NPPC: variants seen among roughly 807,000 people sequenced by gnomAD.
The protein encoded by NPPC is natriuretic peptide C.
Under a neutral mutation model 10.2 loss-of-function variants are expected in NPPC, and 4 were observed. The observed-to-expected ratio is 0.39, with a 90% CI of 0.19 to 0.90. The LOEUF (loss-of-function observed/expected upper bound fraction) is 0.90. Among genes scored for constraint, NPPC ranks in the 40% least tolerant of loss-of-function variants. The pLI is 0.37. For synonymous variants in NPPC, 83 were observed against 87.3 expected, an observed-to-expected ratio of 0.95 and a Z score of 0.27; for missense variants, 182 against 173.8, an observed-to-expected ratio of 1.05 and a Z score of -0.26.
intron 2 of NPPC, 21 bp from the exon 3 acceptor site, chr2:231,922,336 G>A (rs866205592): frequency 3.3e-4 from 50 of 152,176 alleles, no homozygotes; most frequent in African/African-American, 1.1e-3. Context: ...GAGTGAACAC[G>A]GGACGCTCAG....
intron 2 of NPPC, 21 bp from the exon 3 acceptor site, chr2:231,922,336 G>C (rs866205592): frequency 6.6e-6 from 1 of 152,294 alleles, no homozygotes; most frequent in South Asian, 2.1e-4. Flanking sequence ...GAGTGAACAC[G>C]GGACGCTCAG....
At chr2:231,923,345 G>A (rs1014166641) in intron 2 of NPPC, among the ~76,000 whole-genome samples, 7 of 152,194 alleles carry the variant, frequency 4.6e-5, no homozygotes, top group African/African-American at 7.2e-5. Context: ...CCATCATTAC[G>A]GTGGCTTAGA....
chr2:231,925,829 C>G lies in NPPC; in HGVS notation c.91-114G>C, dbSNP rs568952653. 3 of 1,253,436 alleles carry G rather than the reference C, an allele frequency of 2.4e-6. No homozygotes were observed. The African/African-American group carries it at 4.8e-5, about 20-fold the overall frequency. 77.6% of individuals were successfully genotyped at this position (1,253,436 alleles called of 1,614,324 possible). ...GGGGTGTCCCTCCCAAGCCCAGAGC[C>G]GCCCCCACCGATGCCGGCCAGCTTG... is the stretch of plus-strand genomic sequence containing the variant. On this transcript the variant is annotated intron_variant, in intron 1 of 2. Transcript: ENST00000409852.
Position 231,926,379 on chromosome 2 carries a change from G to A in NPPC, c.-130C>T, listed in dbSNP as rs956291692. Reference sequence around the variant, plus strand: ...GAGCAGGGTCCCAGTGCTGCGCGGCGCCGGCTGGGTGCGCTCTGAGCCCGT... The same window carrying A: ...GAGCAGGGTCCCAGTGCTGCGCGGCACCGGCTGGGTGCGCTCTGAGCCCGT... On this transcript the variant is annotated 5_prime_UTR_variant, in exon 1 of 3. Transcript: ENST00000409852. 1.4e-5 allele frequency: 7 copies of A among 499,324 alleles called. No individual in the cohort carries two copies. The highest frequency in any genetic ancestry group is 8.0e-5 in the African/African-American group (4 of 50,274). 30.9% of individuals were successfully genotyped at this position (499,324 alleles called of 1,614,324 possible). A position where few individuals can be genotyped will look rare whatever the true frequency, so the allele number is the denominator to read the frequency against.
intron 2 of NPPC, 78 bp downstream of exon 2, chr2:231,925,327 G>C: frequency 1.6e-6 from 2 of 1,253,724 alleles, no homozygotes; most frequent in Non-Finnish European, 2.1e-6. Context: ...AAGGCGGCTC[G>C]CGCGCCTCCG....
At position 231,926,340 on chromosome 2, in the gene NPPC, C is replaced by G; in HGVS notation, c.-91G>C. On this transcript the variant is annotated 5_prime_UTR_variant, in exon 1 of 3. Coordinates refer to ENST00000409852, the MANE Select transcript of NPPC (RefSeq NM_024409.4). The stretch of plus-strand genomic sequence containing the variant: ...AGCAGGGGGATGCGGAGCAGGCTGG[C>G]TGGGCTGCAGGGCGAGCAGGGTCCC... The G allele has an allele frequency of 2.3e-6, 2 of 878,740 alleles. No homozygotes were observed. The highest frequency in any genetic ancestry group is 3.0e-6 in the Non-Finnish European group (2 of 662,032). The allele number at this position is 878,740 out of a possible 1,614,324, so 54.4% of individuals were successfully genotyped here.
chr2:231,924,199 G>A (rs1406080744), intron 2 of NPPC, among the ~76,000 whole-genome samples: 3 of 152,242 alleles, frequency 2.0e-5, no homozygotes, highest in Admixed American at 6.5e-5. Flanking sequence ...ATATTTCCAC[G>A]AGTCTGTTCG....
intron 2 of NPPC, among the ~76,000 whole-genome samples, chr2:231,922,832 C>T (rs759265111): frequency 2.0e-5 from 3 of 152,126 alleles, no homozygotes; most frequent in Non-Finnish European, 4.4e-5. Flanking sequence ...TGGATAATAG[C>T]CACCTCCTAG....
rs1691990547 is a variant in NPPC at position 231,925,493 on chromosome 2, C to T, written c.313G>A (p.Gly105Ser). 26 of 1,612,976 alleles carry T rather than the reference C, an allele frequency of 1.6e-5. No homozygotes were observed. Among genetic ancestry groups the T allele is most frequent in the Non-Finnish European group, 1.9e-5 (22 of 1,179,720 alleles). ...ARKYKGANKK[G>S]LSKGCFGLKL... ...AGGCCGAAGCAGCCCTTGGACAAGC[C>T]CTTCTTGTTGGCTCCTTTGTATTTG... The change falls in exon 2 of 3, where the codon GGC (glycine) becomes AGC (serine). Residue 105 changes from glycine (G) to serine (S), a missense_variant. Gly to Ser is a moderately conservative substitution (Grantham distance 56, BLOSUM62 0). Transcript: ENST00000409852.
chr2:231,924,558 G>A (rs1196755127), intron 2 of NPPC, among the ~76,000 whole-genome samples: 1 of 152,200 alleles, frequency 6.6e-6, no homozygotes, highest in Non-Finnish European at 1.5e-5. Context: ...AGTGGGCACG[G>A]GCAGGCGGCA....
intron 1 of NPPC, 104 bp from the exon 2 acceptor site, chr2:231,925,819 A>G (rs1389365882): frequency 3.1e-6 from 4 of 1,304,800 alleles, no homozygotes; most frequent in Admixed American, 3.2e-5. Context: ...GTCCCTCCCA[A>G]GCCCAGAGCC....
In NPPC at chr2:231,921,855, T is replaced by A. The variant is rs1691933677; in HGVS notation, c.*481A>T. On this transcript the variant is annotated 3_prime_UTR_variant, in exon 3 of 3. Coordinates refer to ENST00000409852, the MANE Select transcript of NPPC (RefSeq NM_024409.4). ...GACTTTTTTTTTTTTACATTTTTTTTAACTAGTTAGGACAAAAACATTACA... is the reference window on the plus strand; with the variant it reads ...GACTTTTTTTTTTTTACATTTTTTTAAACTAGTTAGGACAAAAACATTACA... 6.6e-6 allele frequency: 1 copy of A among 152,054 alleles called. No individual in the cohort carries two copies. 9.4% of individuals were successfully genotyped at this position (152,054 alleles called of 1,614,324 possible). A position where few individuals can be genotyped will look rare whatever the true frequency, so the allele number is the denominator to read the frequency against.
rs1276909583 is a variant in NPPC, at chr2:231,926,283, G to A, written c.-34C>T. 4 of 1,256,934 alleles carry A rather than the reference G, an allele frequency of 3.2e-6. No homozygotes were observed. Among genetic ancestry groups the A allele is most frequent in the Middle Eastern group, 2.8e-4 (1 of 3,522 alleles). The allele number at this position is 1,256,934 out of a possible 1,614,324, so 77.9% of individuals were successfully genotyped here. A position where few individuals can be genotyped will look rare whatever the true frequency, so the allele number is the denominator to read the frequency against. ...TGGGGTCGAGGGGCGCACACGGGCG[G>A]CAGCGAGGGCGCGCAGGTCGGCGGG... On this transcript the variant is annotated 5_prime_UTR_variant, in exon 1 of 3. Coordinates refer to ENST00000409852, the MANE Select transcript of NPPC (RefSeq NM_024409.4).
At chr2:231,924,631 G>A (rs1445026169) in intron 2 of NPPC, among the ~76,000 whole-genome samples, 1 of 152,106 alleles carries the variant, frequency 6.6e-6, no homozygotes, top group East Asian at 1.9e-4. Flanking sequence ...ACCACCACGC[G>A]GCACCCGGCA....
rs772018967 is a variant in NPPC, at chr2:231,925,385, G to A, written c.*20+20C>T. The stretch of plus-strand genomic sequence containing the variant: ...GTCCCGGGCCGGGCTGGGGCTGGGC[G>A]TCGGGTGGGCCGTACTCACCGCCGC... On this transcript the variant is annotated intron_variant, in intron 2 of 2. Transcript: ENST00000409852. The A allele has an allele frequency of 2.0e-6, 3 of 1,527,036 alleles. No homozygotes were observed. Among genetic ancestry groups the A allele is most frequent in the Non-Finnish European group, 1.8e-6 (2 of 1,138,782 alleles). 94.6% of individuals were successfully genotyped at this position (1,527,036 alleles called of 1,614,324 possible).
chr2:231,924,537 G>C (rs1235491009), intron 2 of NPPC, among the ~76,000 whole-genome samples: 1 of 152,226 alleles, frequency 6.6e-6, no homozygotes, highest in Non-Finnish European at 1.5e-5. Context: ...TCAGAGGCTG[G>C]GATGTTATTC....
chr2:231,925,472 C>G lies in NPPC; in HGVS notation c.334G>C (p.Gly112Arg). 6.2e-7 allele frequency: 1 copy of G among 1,612,428 alleles called. No homozygotes were observed. Among genetic ancestry groups the G allele is most frequent in the South Asian group, 1.1e-5 (1 of 90,854 alleles). Residue 112 changes from glycine to arginine, a missense_variant, in exon 2 of 3, where the codon GGC (glycine) becomes CGC (arginine). Physicochemically the swap from Gly to Arg is moderately radical, Grantham distance 125. Coordinates refer to ENST00000409852, the MANE Select transcript of NPPC (RefSeq NM_024409.4). ...NKKGLSKGCF[G>R]LKLDRIGSMS... Reference sequence around the variant, plus strand: ...GAGCCGATTCGGTCCAGCTTGAGGCCGAAGCAGCCCTTGGACAAGCCCTTC... The same window carrying G: ...GAGCCGATTCGGTCCAGCTTGAGGCGGAAGCAGCCCTTGGACAAGCCCTTC...
rs1444122636 is a variant in NPPC at position 231,925,630 on chromosome 2, C to T, written c.176G>A (p.Gly59Asp). The change falls in exon 2 of 3, where the codon GGC (glycine) becomes GAC (aspartate). Residue 59 changes from glycine to aspartate, a missense_variant. By Grantham distance (94) the Gly-to-Asp change is moderately conservative (BLOSUM62 -1). Coordinates refer to ENST00000409852, the MANE Select transcript of NPPC (RefSeq NM_024409.4). ...GQKKGDKAPG[G>D]GGANLKGDRS... is the part of the protein sequence containing the mutation. ...GTCGCCCTTGAGATTGGCGCCCCCG[C>T]CCCCGGGAGCCTTGTCGCCCTTCTT... is the stretch of plus-strand genomic sequence containing the variant. The T allele has an allele frequency of 6.2e-7, 1 of 1,607,436 alleles. No individual in the cohort carries two copies. The highest frequency in any genetic ancestry group is 8.5e-7 in the Non-Finnish European group (1 of 1,178,128).
Position 231,926,205 on chromosome 2 carries a change from C to T in NPPC, c.45G>A (p.Leu15=). 1 of 1,330,368 alleles carries T rather than the reference C, an allele frequency of 7.5e-7. No homozygotes were observed. Among genetic ancestry groups the T allele is most frequent in the Non-Finnish European group, 9.6e-7 (1 of 1,036,968 alleles). 82.4% of individuals were successfully genotyped at this position (1,330,368 alleles called of 1,614,324 possible). Residue 15 remains leucine, a synonymous_variant, in exon 1 of 3, where the codon CTG becomes CTA. Transcript: ENST00000409852. ...QLLACALLLT[L]LSLRPSEAKP... The stretch of plus-strand genomic sequence containing the variant: ...TGGCTTCGGAGGGCCGGAGGGAGAG[C>T]AGCGTGAGCAGCAGGGCGCAGGCCA...
Sources: gnomAD v4.1 joint callset for allele counts (sites outside exome capture counted in the v4.1 genomes callset) on GRCh38, gnomAD v4.1.1 for gene constraint, MANE v1.5 for transcripts, NCBI Gene and HGNC (gene_info 2026-07-23, HGNC 2026-07-21) for gene names.